Variants in FARP1 observed in about 807,000 individuals in gnomAD.
The protein encoded by FARP1 is FERM, ARH/RhoGEF and pleckstrin domain protein 1, also known as FERM, ARHGEF and pleckstrin domain-containing protein 1.
Under a neutral mutation model 128.8 loss-of-function variants are expected in FARP1, and 52 were observed. That is an observed-to-expected ratio of 0.40 (90% confidence interval 0.32 to 0.51). The LOEUF is 0.51. FARP1 is among the 20% of genes least tolerant of loss of function. The pLI, the probability that FARP1 is intolerant of heterozygous loss-of-function variation, is 0.45. For missense variants in FARP1, 1,333 were observed against 1,367.9 expected (o/e 0.97, Z 0.40); for synonymous variants, 580 against 551.8 (o/e 1.05, Z -0.72).
At chr13:98,416,761 C>T (rs934839978) in intron 16 of FARP1, among the ~76,000 whole-genome samples, 2 of 152,132 alleles carry the variant, frequency 1.3e-5, no homozygotes, top group African/African-American at 2.4e-5. Context: ...CTGGGTTCCC[C>T]GAGACAGGTG....
At chr13:98,211,281 C>G (rs918639696) in intron 1 of FARP1, among the ~76,000 whole-genome samples, 3 of 152,210 alleles carry the variant, frequency 2.0e-5, no homozygotes, top group Admixed American at 1.3e-4. Flanking sequence ...ACCACCTGAG[C>G]TCCGCCTCCT....
chr13:98,275,622 TTCTC>T (rs145109650), intron 2 of FARP1, among the ~76,000 whole-genome samples: 2 of 130,120 alleles, frequency 1.5e-5, no homozygotes, highest in Admixed American at 8.6e-5. Flanking sequence ...TCTTTTCTCT[TTCTC>T]TCTTTTTTTT....
At chr13:98,398,402 C>A (rs1890636080) in intron 13 of FARP1, 2 of 152,170 alleles carry the variant, frequency 1.3e-5, no homozygotes, top group African/African-American at 4.8e-5. Context: ...ACCTTCATTT[C>A]TTCTGAAAAA....
intron 2 of FARP1, chr13:98,333,312 T>C (rs936570493): frequency 2.0e-5 from 3 of 152,130 alleles, no homozygotes; most frequent in Admixed American, 6.6e-5. Context: ...AGATAATGAA[T>C]TACTCAAGAT....
intron 2 of FARP1, chr13:98,244,589 T>TGAGAAGTTTG: frequency 1.2e-6 from 2 of 1,614,196 alleles, no homozygotes; most frequent in Non-Finnish European, 1.7e-6. Flanking sequence ...CACATCTAAT[T>TGAGAAGTTTG]GAGAAGTTTG....
At chr13:98,147,221 A>T (rs1036963566) in intron 1 of FARP1, among the ~76,000 whole-genome samples, 1 of 152,210 alleles carries the variant, frequency 6.6e-6, no homozygotes, top group Non-Finnish European at 1.5e-5. Flanking sequence ...TACATTACTA[A>T]AATATCATGC....
chr13:98,298,273 T>C (rs145798588), intron 2 of FARP1, among the ~76,000 whole-genome samples: 1 of 152,246 alleles, frequency 6.6e-6, no homozygotes, highest in Non-Finnish European at 1.5e-5. Flanking sequence ...CACCATGGCT[T>C]GTGTTTAAAT....
intron 2 of FARP1, among the ~76,000 whole-genome samples, chr13:98,332,203 C>G (rs567208344): frequency 2.0e-5 from 3 of 152,288 alleles, no homozygotes; most frequent in African/African-American, 7.2e-5. Flanking sequence ...AACTGAAACT[C>G]TGTCCCCATT....
chr13:98,347,600 A>C (rs1019691842), intron 3 of FARP1, among the ~76,000 whole-genome samples: 14 of 152,180 alleles, frequency 9.2e-5, no homozygotes, highest in African/African-American at 3.4e-4. Flanking sequence ...TACCATTTCC[A>C]TTGTGTATAT....
Position 98,435,705 on chromosome 13 carries a change from G to C in FARP1, c.2273G>C (p.Arg758Thr). The C allele has an allele frequency of 1.9e-6, 3 of 1,614,128 alleles. No homozygotes were observed. The highest frequency in any genetic ancestry group is 2.5e-6 in the Non-Finnish European group (3 of 1,179,996). The change falls in exon 19 of 27, where the codon AGG becomes ACG. Residue 758 changes from arginine to threonine, a missense_variant and splice_region_variant. Transcript: ENST00000319562. Reference protein sequence around the residue: ...IGIDNLVVPGREFIRLGSLSK... With the variant: ...IGIDNLVVPGTEFIRLGSLSK... ...ATTGACAATCTTGTGGTTCCGGGAA[G>C]GGTAAGCAGCAGTGGCCTCACTATG...
In FARP1 at chr13:98,251,245, G is replaced by A. The variant is rs542365546; in HGVS notation, c.171+37832G>A. ...GAAGTGAGGCTCAAACAGGTGCTTTGTCCAAGTTCATTCAGTTAGACGGTG... is the reference window on the plus strand; with the variant it reads ...GAAGTGAGGCTCAAACAGGTGCTTTATCCAAGTTCATTCAGTTAGACGGTG... On this transcript the variant is annotated intron_variant, in intron 2 of 26. Transcript: ENST00000319562. 7.2e-4 allele frequency among the ~76,000 whole-genome samples: 109 copies of A among 152,308 alleles called. 1 individual carries two copies. Among genetic ancestry groups the A allele is most frequent in the African/African-American group, 2.6e-3 (106 of 41,562 alleles).
intron 2 of FARP1, among the ~76,000 whole-genome samples, chr13:98,280,617 A>G (rs1884889600): frequency 6.8e-6 from 1 of 147,248 alleles, no homozygotes; most frequent in South Asian, 2.3e-4. Context: ...CAAGTTCATC[A>G]TGTAACCCAA....
chr13:98,329,962 AAGAAAT>A (rs1887423852), intron 2 of FARP1: 1 of 152,236 alleles, frequency 6.6e-6, no homozygotes, highest in Non-Finnish European at 1.5e-5. Context: ...GAAAAATAAA[AAGAAAT>A]AGAGCAGAAT....
At chr13:98,439,849 T>C (rs1892449549) in intron 21 of FARP1, 112 bp from the exon 22 acceptor site, 2 of 768,104 alleles carry the variant, frequency 2.6e-6, no homozygotes, top group African/African-American at 1.7e-5. Flanking sequence ...CTGGGTCTCC[T>C]GAGCCCTGCT....
Position 98,395,392 on chromosome 13 carries a change from G to T in FARP1, c.1330G>T (p.Ala444Ser), listed in dbSNP as rs774917492. Residue 444 changes from alanine to serine, a missense_variant, in exon 13 of 27, where the codon GCC (alanine) becomes TCC (serine). Transcript: ENST00000319562. ...GGGTAACAAGCAGGCGGACGGAGCC[G>T]CCTCGGCGCCCACGGAGGAAGAGGA... The part of the protein sequence containing the change: ...PAGNKQADGA[A>S]SAPTEEEEEV... The T allele has an allele frequency of 2.5e-6, 4 of 1,611,428 alleles. No individual in the cohort carries two copies. The highest frequency in any genetic ancestry group is 3.3e-5 in the Admixed American group (2 of 59,934).
intron 1 of FARP1, among the ~76,000 whole-genome samples, chr13:98,187,769 C>G (rs868418841): frequency 6.6e-6 from 1 of 152,142 alleles, no homozygotes; most frequent in Non-Finnish European, 1.5e-5. Flanking sequence ...TTGAAATAAT[C>G]TAGTGGAGAG....
upstream of FARP1, chr13:98,142,963 C>CGGGCGCA (rs1338569454): frequency 7.6e-3 from 1,144 of 150,238 alleles, 4 homozygotes; most frequent in Non-Finnish European, 0.011. Context: ...CGGGGCGGGG[C>CGGGCGCA]GGGCGCAGGG....
chr13:98,196,848 C>T (rs1426346599), intron 1 of FARP1, among the ~76,000 whole-genome samples: 1 of 152,208 alleles, frequency 6.6e-6, no homozygotes, highest in African/African-American at 2.4e-5. Context: ...CTCATTTTCC[C>T]ACAAGGGATT....
chr13:98,413,379 G>A (rs1019990961), intron 16 of FARP1, among the ~76,000 whole-genome samples: 4 of 152,222 alleles, frequency 2.6e-5, no homozygotes, highest in South Asian at 2.1e-4. Flanking sequence ...AAATAAAAAT[G>A]TGGGCACAGT....
Sources: gnomAD v4.1 joint callset for allele counts (sites outside exome capture counted in the v4.1 genomes callset) on GRCh38, gnomAD v4.1.1 for gene constraint, MANE v1.5 for transcripts, NCBI Gene and HGNC (gene_info 2026-07-23, HGNC 2026-07-21) for gene names.